The following KCNK2 variants were observed in gnomAD, a reference collection of about 807,000 sequenced individuals.
KCNK2 encodes potassium channel subfamily K member 2.
KCNK2 carries 21 observed loss-of-function variants against 40.5 expected under a neutral mutation model. The observed-to-expected ratio is 0.52, with a 90% CI of 0.37 to 0.75. KCNK2 has a LOEUF of 0.75. Among genes scored for constraint, KCNK2 ranks in the 30% least tolerant of loss-of-function variants. KCNK2 has a pLI of 0.00. For synonymous variants in KCNK2, 191 were observed against 202.2 expected, an observed-to-expected ratio of 0.94 and a Z score of 0.47; for missense variants, 399 against 531.6, an observed-to-expected ratio of 0.75 and a Z score of 2.45.
At chr1:215,130,003 C>A (rs1022121685) in intron 3 of KCNK2, among the ~76,000 whole-genome samples, 1 of 152,128 alleles carries the variant, frequency 6.6e-6, no homozygotes, top group African/African-American at 2.4e-5. Context: ...TCAAAACAAG[C>A]CTCTTTCAAC....
intron 1 of KCNK2, among the ~76,000 whole-genome samples, chr1:215,068,304 T>A (rs1571881696): frequency 1.3e-5 from 2 of 152,154 alleles, no homozygotes; most frequent in East Asian, 3.9e-4. Context: ...GAGTTAAGAT[T>A]CACATTGCCA....
rs1198519790 is a variant in KCNK2 at position 215,202,645 on chromosome 1, A to G, written c.963+7553A>G. On this transcript the variant is annotated intron_variant, in intron 6 of 6. Transcript: ENST00000444842. Reference sequence around the variant, plus strand: ...TAATAAGTCAAAATGTATACTAAAAATGAAATAGGACTTGAAGACGTTCAG... The same window carrying G: ...TAATAAGTCAAAATGTATACTAAAAGTGAAATAGGACTTGAAGACGTTCAG... 2.6e-5 allele frequency among the ~76,000 whole-genome samples: 4 copies of G among 152,340 alleles called. No individual in the cohort carries two copies. The East Asian group carries it at 7.7e-4, about 29-fold the overall frequency.
chr1:215,225,005 T>C (rs899731742), intron 6 of KCNK2, among the ~76,000 whole-genome samples: 2 of 152,094 alleles, frequency 1.3e-5, no homozygotes, highest in African/African-American at 2.4e-5. Flanking sequence ...GGGCTGGATA[T>C]GCTATATACT....
At chr1:215,082,405 C>T (rs1045267848), upstream of KCNK2, among the ~76,000 whole-genome samples, 4 of 152,210 alleles carry the variant, frequency 2.6e-5, no homozygotes, top group Middle Eastern at 0.01. Context: ...GACTCGCGTC[C>T]CAGAGCTTGG....
intron 3 of KCNK2, among the ~76,000 whole-genome samples, chr1:215,139,282 A>G (rs1444483490): frequency 1.3e-5 from 2 of 152,160 alleles, no homozygotes; most frequent in African/African-American, 4.8e-5. Flanking sequence ...TATAATTAAT[A>G]TAGATACATT....
chr1:215,130,269 G>T (rs2102588102), intron 3 of KCNK2, among the ~76,000 whole-genome samples: 1 of 152,284 alleles, frequency 6.6e-6, no homozygotes, highest in East Asian at 1.9e-4. Context: ...CTTCTGGGTT[G>T]GTGAATACTG....
chr1:215,128,842 T>C (rs1661550123), intron 3 of KCNK2, among the ~76,000 whole-genome samples: 1 of 152,250 alleles, frequency 6.6e-6, no homozygotes, highest in Non-Finnish European at 1.5e-5. Context: ...TAATGTTGAC[T>C]GCTTTAGATG....
At chr1:215,023,999 T>A (rs1656905460) in intron 1 of KCNK2, among the ~76,000 whole-genome samples, 1 of 152,098 alleles carries the variant, frequency 6.6e-6, no homozygotes, top group Non-Finnish European at 1.5e-5. Flanking sequence ...GCCAGGAAAA[T>A]CCAGCAGGGT....
intron 1 of KCNK2, among the ~76,000 whole-genome samples, chr1:215,061,259 A>G (rs76421653): frequency 0.033 from 4,994 of 152,234 alleles, 251 homozygotes; most frequent in African/African-American, 0.11. Context: ...TTCAAACAAT[A>G]TGGCCTTGGC....
intron 3 of KCNK2, among the ~76,000 whole-genome samples, chr1:215,166,533 C>T (rs1663454208): frequency 6.6e-6 from 1 of 152,074 alleles, no homozygotes; most frequent in South Asian, 2.1e-4. Context: ...TACAGATATT[C>T]CCAGAGCAGG....
intron 1 of KCNK2, among the ~76,000 whole-genome samples, chr1:215,011,857 C>T (rs191562813): frequency 1.6e-4 from 24 of 151,994 alleles, no homozygotes; most frequent in Admixed American, 1.2e-3. Flanking sequence ...CCACCCGCCT[C>T]GGCCTCCCAA....
At chr1:215,136,338 C>T (rs1661913810) in intron 3 of KCNK2, among the ~76,000 whole-genome samples, 1 of 151,688 alleles carries the variant, frequency 6.6e-6, no homozygotes, top group Non-Finnish European at 1.5e-5. Flanking sequence ...CTCAAGCAGT[C>T]CACCCACCGT....
At chr1:215,209,329 TTTATA>T (rs1665472068) in intron 6 of KCNK2, among the ~76,000 whole-genome samples, 2 of 89,304 alleles carry the variant, frequency 2.2e-5, no homozygotes, top group Non-Finnish European at 4.1e-5. Flanking sequence ...TACACATATT[TTTATA>T]TATATAATAT....
intron 6 of KCNK2, among the ~76,000 whole-genome samples, chr1:215,217,629 T>A (rs944639359): frequency 6.6e-6 from 1 of 152,180 alleles, no homozygotes; most frequent in Admixed American, 6.5e-5. Context: ...CCTAAATAAT[T>A]TCTTCCCTTG....
At chr1:215,105,883 G>A (rs1000950019) in intron 2 of KCNK2, among the ~76,000 whole-genome samples, 1 of 152,178 alleles carries the variant, frequency 6.6e-6, no homozygotes, top group South Asian at 2.1e-4. Flanking sequence ...ACTGAGGATA[G>A]TGAGTAAGCT....
chr1:215,184,684 G>A (rs1664357961), intron 5 of KCNK2, among the ~76,000 whole-genome samples: 1 of 152,128 alleles, frequency 6.6e-6, no homozygotes, highest in African/African-American at 2.4e-5. Context: ...TCACTATCAT[G>A]AGAATAGCAT....
chr1:215,007,145 G>A (rs1448655650), intron 1 of KCNK2, among the ~76,000 whole-genome samples: 1 of 116,556 alleles, frequency 8.6e-6, no homozygotes, highest in African/African-American at 3.8e-5. Flanking sequence ...ATATATATGT[G>A]TATATATATA....
chr1:215,032,556 C>T (rs1172286147), intron 1 of KCNK2, among the ~76,000 whole-genome samples: 1 of 152,056 alleles, frequency 6.6e-6, no homozygotes, highest in Non-Finnish European at 1.5e-5. Flanking sequence ...TCTTTTAACA[C>T]TTGCAAGGAA....
chr1:215,186,485 T>C (rs553684944), intron 5 of KCNK2, among the ~76,000 whole-genome samples: 1 of 152,316 alleles, frequency 6.6e-6, no homozygotes, highest in African/African-American at 2.4e-5. Flanking sequence ...GTAATACTTA[T>C]GATATAGTAG....
Sources: gnomAD v4.1 joint callset for allele counts (sites outside exome capture counted in the v4.1 genomes callset) on GRCh38, gnomAD v4.1.1 for gene constraint, MANE v1.5 for transcripts, NCBI Gene and HGNC (gene_info 2026-07-23, HGNC 2026-07-21) for gene names.